PTPRQ: variants seen among roughly 807,000 people sequenced by gnomAD.
The protein encoded by PTPRQ is protein tyrosine phosphatase receptor type Q, also known as phosphatidylinositol phosphatase PTPRQ.
In PTPRQ, 199 loss-of-function variants were observed where a neutral mutation model predicts 246.0. The observed-to-expected ratio is 0.81, with a 90% CI of 0.72 to 0.91. The LOEUF (loss-of-function observed/expected upper bound fraction) is 0.91, where lower values mean the gene tolerates loss of function less well. Ranked by LOEUF, PTPRQ falls within the 40% of genes least tolerant of loss-of-function variation. The pLI, the probability that PTPRQ is intolerant of heterozygous loss-of-function variation, is 0.00. For synonymous variants in PTPRQ, 869 were observed against 853.2 expected, an observed-to-expected ratio of 1.02 and a Z score of -0.32; for missense variants, 2,624 against 2,528.4, an observed-to-expected ratio of 1.04 and a Z score of -0.81.
intron 39 of PTPRQ, among the ~76,000 whole-genome samples, chr12:80,668,241 A>G (rs938228209): frequency 6.6e-5 from 10 of 151,886 alleles, no homozygotes; most frequent in African/African-American, 2.4e-4. Context: ...TATAAACTCA[A>G]GTGTCATGCT....
intron 33 of PTPRQ, among the ~76,000 whole-genome samples, chr12:80,629,167 C>G (rs75022778): frequency 0.2 from 26,290 of 133,608 alleles, 2,668 homozygotes; most frequent in Non-Finnish European, 0.25. Flanking sequence ...CACACACACA[C>G]ACACACAGAG....
chr12:80,559,100 A>G (rs1286521453), intron 25 of PTPRQ, among the ~76,000 whole-genome samples: 5 of 152,050 alleles, frequency 3.3e-5, no homozygotes, highest in African/African-American at 1.2e-4. Context: ...GGTGGAGTGC[A>G]GTGGCGCAAT....
intron 8 of PTPRQ, among the ~76,000 whole-genome samples, chr12:80,481,839 A>G (rs999586171): frequency 6.6e-6 from 1 of 152,154 alleles, no homozygotes; most frequent in Non-Finnish European, 1.5e-5. Flanking sequence ...GACGTCTTCA[A>G]GGAGAACTAC....
chr12:80,538,198 C>A (rs899748044), intron 19 of PTPRQ, among the ~76,000 whole-genome samples: 3 of 152,088 alleles, frequency 2.0e-5, no homozygotes, highest in Admixed American at 2.0e-4. Context: ...TTTATATAAA[C>A]AAAAGAATAA....
In PTPRQ at chr12:80,447,714, ATGTGAC is replaced by A. The variant is rs536602983; in HGVS notation, c.390+1999_390+2004del. On this transcript the variant is annotated intron_variant, in intron 3 of 44. Coordinates refer to ENST00000644991, the MANE Select transcript of PTPRQ (RefSeq NM_001145026.2). The stretch of plus-strand genomic sequence containing the variant: ...TGTCAAAAATCAGTTGGTTGTAGGT[ATGTGAC>A]TTTATTTCTGGGTTTTCTATTCTCT... Among the ~76,000 whole-genome samples the A allele has an allele frequency of 5.1e-3, 775 of 152,048 alleles. 8 individuals are homozygous for A. The highest frequency in any genetic ancestry group is 0.018 in the African/African-American group (735 of 41,500).
At chr12:80,473,429 A>T (rs973264979) in intron 8 of PTPRQ, among the ~76,000 whole-genome samples, 4 of 152,248 alleles carry the variant, frequency 2.6e-5, no homozygotes, top group African/African-American at 7.2e-5. Context: ...AGACAGATTT[A>T]TGGACACTAT....
chr12:80,672,532 T>G (rs1901002894), intron 42 of PTPRQ, among the ~76,000 whole-genome samples: 1 of 151,964 alleles, frequency 6.6e-6, no homozygotes, highest in South Asian at 2.1e-4. Context: ...CTAGGAATCT[T>G]GTCTTTCTGA....
chr12:80,477,059 T>A (rs1395649243), intron 8 of PTPRQ, among the ~76,000 whole-genome samples: 1 of 152,178 alleles, frequency 6.6e-6, no homozygotes, highest in Non-Finnish European at 1.5e-5. Flanking sequence ...AACTGGGAAG[T>A]TCCCTAGATG....
At position 80,528,084 on chromosome 12, in the gene PTPRQ, C is replaced by T. The variant is rs551943763; in HGVS notation, c.2679-5931C>T. On this transcript the variant is annotated intron_variant, in intron 17 of 44. Transcript: ENST00000644991. ...CCAGCCTGGGTCACAGAGTGAGACT[C>T]TGTCTCATAAATAAATAAATAAATA... Among the ~76,000 whole-genome samples, 4 of 152,240 alleles carry T rather than the reference C, an allele frequency of 2.6e-5. No homozygotes were observed. In the East Asian group the frequency reaches 7.7e-4, roughly 29 times the overall value.
chr12:80,654,750 C>T (rs952658574), intron 38 of PTPRQ, among the ~76,000 whole-genome samples: 1 of 151,322 alleles, frequency 6.6e-6, no homozygotes, highest in Non-Finnish European at 1.5e-5. Context: ...ATCCCAGCTA[C>T]TCGAGAGGCT....
intron 35 of PTPRQ, among the ~76,000 whole-genome samples, chr12:80,638,937 G>A (rs1013631269): frequency 1.8e-4 from 28 of 152,224 alleles, no homozygotes; most frequent in Admixed American, 2.0e-4. Flanking sequence ...CACACTTACC[G>A]AATTAGGAAA....
intron 29 of PTPRQ, among the ~76,000 whole-genome samples, chr12:80,614,435 T>C (rs1898672622): frequency 6.6e-6 from 1 of 150,854 alleles, no homozygotes; most frequent in Non-Finnish European, 1.5e-5. Flanking sequence ...TTCAGAGAAA[T>C]CATCTTCTAA....
intron 25 of PTPRQ, among the ~76,000 whole-genome samples, chr12:80,577,634 G>A (rs994965799): frequency 3.3e-5 from 5 of 152,066 alleles, no homozygotes; most frequent in African/African-American, 4.8e-5. Context: ...AAGTTTTATT[G>A]AGAAATTTTT....
Position 80,649,689 on chromosome 12 carries a change from CACA to C in PTPRQ, c.6024+24_6024+26del. 6.5e-7 allele frequency: 1 copy of C among 1,538,806 alleles called. No homozygotes were observed. Among genetic ancestry groups the C allele is most frequent in the Admixed American group, 2.0e-5 (1 of 49,606 alleles). ...TTTTCGGTATGTTACTAGCAGTTGTCACAACATTGCAAGACCTCCAGTCGTTTC... is the reference window on the plus strand; with the variant it reads ...TTTTCGGTATGTTACTAGCAGTTGTCACATTGCAAGACCTCCAGTCGTTTC... On this transcript the variant is annotated intron_variant, in intron 37 of 44. Transcript: ENST00000644991.
chr12:80,471,720 G>A (rs11114468), intron 7 of PTPRQ, among the ~76,000 whole-genome samples: 9,397 of 150,362 alleles, frequency 0.062, 755 homozygotes, highest in African/African-American at 0.18. Flanking sequence ...CTCGTGATCC[G>A]CCCGCCTCGG....
intron 6 of PTPRQ, among the ~76,000 whole-genome samples, chr12:80,463,380 T>A (rs1893272306): frequency 1.3e-5 from 2 of 152,114 alleles, no homozygotes; most frequent in Admixed American, 1.3e-4. Flanking sequence ...AAAGACCAAA[T>A]CTACGTATGA....
intron 26 of PTPRQ, among the ~76,000 whole-genome samples, chr12:80,602,578 CA>C (rs1898178591): frequency 6.6e-6 from 1 of 151,748 alleles, no homozygotes; most frequent in Non-Finnish European, 1.5e-5. Flanking sequence ...AGCAGAAGAG[CA>C]AGCTATCCAA....
chr12:80,657,173 T>A (rs1257848025), intron 38 of PTPRQ, among the ~76,000 whole-genome samples: 1 of 151,856 alleles, frequency 6.6e-6, no homozygotes, highest in African/African-American at 2.4e-5. Context: ...CATACTTTTT[T>A]TAAATAAAAG....
At chr12:80,608,478 C>T (rs1275237411) in intron 27 of PTPRQ, among the ~76,000 whole-genome samples, 7 of 148,152 alleles carry the variant, frequency 4.7e-5, no homozygotes, top group African/African-American at 7.5e-5. Context: ...ATAATATATG[C>T]GTGCCATGTC....
Sources: allele counts gnomAD v4.1 joint callset (sites outside exome capture counted in the v4.1 genomes callset), GRCh38; gene constraint gnomAD v4.1.1; transcripts MANE v1.5; gene names NCBI Gene and HGNC (gene_info 2026-07-23, HGNC 2026-07-21).